Variants in GANAB observed in about 807,000 individuals in gnomAD.
GANAB encodes glucosidase II alpha subunit.
In GANAB, 35 loss-of-function variants were observed where a neutral mutation model predicts 129.9. That is an observed-to-expected ratio of 0.27 (90% CI 0.21 to 0.36). GANAB has a LOEUF of 0.36. Among genes scored for constraint, GANAB ranks in the 10% least tolerant of loss-of-function variants. GANAB has a pLI of 1.00. For missense variants in GANAB, 939 were observed against 1,221.0 expected (o/e 0.77, Z 3.44); for synonymous variants, 482 against 451.8 (o/e 1.07, Z -0.85).
At chr11:62,639,763 A>G in intron 1 of GANAB, 32 bp from the exon 2 acceptor site, 1 of 1,474,626 alleles carries the variant, frequency 6.8e-7, no homozygotes, top group Non-Finnish European at 9.5e-7. Context: ...CAGAGCAATC[A>G]GCATGGAGGT....
intron 9 of GANAB, among the ~76,000 whole-genome samples, chr11:62,632,334 G>A (rs1565098023): frequency 1.3e-5 from 2 of 152,140 alleles, no homozygotes; most frequent in African/African-American, 2.4e-5. Flanking sequence ...TACCTAGCAC[G>A]TAACACACTG....
Position 62,625,928 on chromosome 11 carries a change from G to A in GANAB, c.2726-4C>T, listed in dbSNP as rs1315504732. ...GACAGGCGGCTTTCTGGAGATCCTG[G>A]AGGAGGAATAAAAGAGTGCCATAGT... On this transcript the variant is annotated splice_polypyrimidine_tract_variant and splice_region_variant and intron_variant, in intron 23 of 23. Coordinates refer to ENST00000356638, the MANE Select transcript of GANAB (RefSeq NM_198334.3). 1 of 1,600,774 alleles carries A rather than the reference G, an allele frequency of 6.2e-7. No individual in the cohort carries two copies. Among genetic ancestry groups the A allele is most frequent in the Admixed American group, 1.7e-5 (1 of 60,000 alleles).
At chr11:62,625,977 C>G (rs1943353258) in intron 23 of GANAB, 53 bp from the exon 24 acceptor site, 3 of 1,464,286 alleles carry the variant, frequency 2.0e-6, no homozygotes, top group Non-Finnish European at 2.9e-6. Context: ...TATAGCATAA[C>G]AACAACGTTC....
chr11:62,646,516 G>C (rs1274704803), intron 1 of GANAB, 46 bp downstream of exon 1: 2 of 1,601,674 alleles, frequency 1.2e-6, no homozygotes, highest in South Asian at 1.1e-5. Context: ...GGACTTGGGG[G>C]ATCTGGGGGC....
At chr11:62,641,899 T>TG (rs201536773) in intron 1 of GANAB, among the ~76,000 whole-genome samples, 2 of 143,228 alleles carry the variant, frequency 1.4e-5, no homozygotes, top group Admixed American at 7.0e-5. Context: ...AAAGTTGTGG[T>TG]TTTTGTTTTT....
At position 62,633,175 on chromosome 11, in the gene GANAB, G is replaced by A. The variant is rs763851461; in HGVS notation, c.718+9C>T. 5.0e-6 allele frequency: 8 copies of A among 1,612,078 alleles called. No homozygotes were observed. Among genetic ancestry groups the A allele is most frequent in the Middle Eastern group, 1.6e-4 (1 of 6,080 alleles). ...CTGCACCCCAGCCCAAGGAACCCGA[G>A]CCCCTCACCATACGGCTTGCTGTCA... On this transcript the variant is annotated intron_variant, in intron 7 of 23. Coordinates refer to ENST00000356638, the MANE Select transcript of GANAB (RefSeq NM_198334.3).
chr11:62,634,210 T>A, intron 5 of GANAB: 2 of 777,184 alleles, frequency 2.6e-6, no homozygotes, highest in Non-Finnish European at 4.6e-6. Context: ...GTGGGGTGAG[T>A]GAAAGGCTGG....
At chr11:62,640,808 G>C (rs1944217018) in intron 1 of GANAB, among the ~76,000 whole-genome samples, 1 of 143,276 alleles carries the variant, frequency 7.0e-6, no homozygotes, top group East Asian at 2.0e-4. Context: ...ACTCCAGCCT[G>C]GGCGACAAAG....
chr11:62,633,697 G>T, intron 5 of GANAB, 183 bp from the exon 6 acceptor site: 1 of 610,080 alleles, frequency 1.6e-6, no homozygotes, highest in Non-Finnish European at 2.9e-6. Context: ...AAAGGATGGG[G>T]AGAGAAATGA....
At chr11:62,642,995 C>T (rs1944333121) in intron 1 of GANAB, among the ~76,000 whole-genome samples, 1 of 152,190 alleles carries the variant, frequency 6.6e-6, no homozygotes, top group Non-Finnish European at 1.5e-5. Context: ...ATGCACAATA[C>T]AGCACACTAA....
At chr11:62,634,725 G>C in intron 5 of GANAB, 96 bp downstream of exon 5, 1 of 1,018,160 alleles carries the variant, frequency 9.8e-7, no homozygotes, top group Non-Finnish European at 1.5e-6. Flanking sequence ...GGCCCTACCT[G>C]GCTGTCCCAC....
intron 1 of GANAB, among the ~76,000 whole-genome samples, chr11:62,643,751 G>A (rs979833203): frequency 6.6e-6 from 1 of 152,208 alleles, no homozygotes; most frequent in Non-Finnish European, 1.5e-5. Flanking sequence ...GGGAGTCAGA[G>A]GTTGCAGTGA....
chr11:62,646,333 C>T (rs376088630), intron 1 of GANAB, among the ~76,000 whole-genome samples: 3 of 152,368 alleles, frequency 2.0e-5, no homozygotes, highest in Admixed American at 6.5e-5. Context: ...ACAGCTGTGG[C>T]TTTACTAAAC....
chr11:62,627,262 C>T (rs377045951), intron 18 of GANAB, 27 bp downstream of exon 18: 9 of 1,497,294 alleles, frequency 6.0e-6, no homozygotes, highest in Non-Finnish European at 8.4e-6. Context: ...CAAAGCCAAC[C>T]CACCACCAAC....
At position 62,625,058 on chromosome 11, in the gene GANAB, C is replaced by G. The variant is rs570969276; in HGVS notation, c.*757G>C. ...TGACCATGATTCACTGAAACCACAACTGATTTCTCCATCTTAAGTGCCCCT... is the reference window on the plus strand; with the variant it reads ...TGACCATGATTCACTGAAACCACAAGTGATTTCTCCATCTTAAGTGCCCCT... On this transcript the variant is annotated 3_prime_UTR_variant, in exon 24 of 24. Transcript: ENST00000356638. 424 of 354,610 alleles carry G rather than the reference C, an allele frequency of 1.2e-3. 9 individuals carry two copies. Among genetic ancestry groups the G allele is most frequent in the South Asian group, 8.4e-3 (401 of 47,652 alleles). The allele number at this position is 354,610 out of a possible 1,614,324, so 22.0% of individuals were successfully genotyped here.
At position 62,626,321 on chromosome 11, in the gene GANAB, G is replaced by C. The variant is rs765530886; in HGVS notation, c.2624+14C>G. 9.7e-6 allele frequency: 15 copies of C among 1,546,420 alleles called. No homozygotes were observed. Among genetic ancestry groups the C allele is most frequent in the Non-Finnish European group, 1.3e-5 (15 of 1,118,364 alleles). ...CCAGCAAAGGCAGCCAAGGAAGAGTGGGTGACCCATTACCTGGAGACAAGG... is the reference window on the plus strand; with the variant it reads ...CCAGCAAAGGCAGCCAAGGAAGAGTCGGTGACCCATTACCTGGAGACAAGG... On this transcript the variant is annotated intron_variant, in intron 22 of 23. Coordinates refer to ENST00000356638, the MANE Select transcript of GANAB (RefSeq NM_198334.3).
chr11:62,630,887 C>A, intron 10 of GANAB, 51 bp from the exon 11 acceptor site: 2 of 1,533,240 alleles, frequency 1.3e-6, no homozygotes, highest in South Asian at 2.3e-5. Flanking sequence ...GCCCAACACC[C>A]AGAAACTGAG....
At chr11:62,637,842 GGC>G (rs1944014713) in intron 4 of GANAB, among the ~76,000 whole-genome samples, 1 of 151,510 alleles carries the variant, frequency 6.6e-6, no homozygotes. Context: ...AGACCATCCT[GGC>G]TAACGCAGAT....
rs1264152095 is a variant in GANAB, at chr11:62,626,452, G to C, written c.2512-5C>G. The C allele has an allele frequency of 2.5e-6, 4 of 1,594,362 alleles. No homozygotes were observed. The highest frequency in any genetic ancestry group is 3.4e-6 in the Non-Finnish European group (4 of 1,162,114). ...GAGCTCTCCTTGAGCTGTACCCTGA[G>C]CAAGAAGTGGGATAGGTGAGCGCCT... On this transcript the variant is annotated splice_region_variant and splice_polypyrimidine_tract_variant and intron_variant, in intron 21 of 23. Coordinates refer to ENST00000356638, the MANE Select transcript of GANAB (RefSeq NM_198334.3).
Sources: gnomAD v4.1 joint callset for allele counts (sites outside exome capture counted in the v4.1 genomes callset) on GRCh38, gnomAD v4.1.1 for gene constraint, MANE v1.5 for transcripts, NCBI Gene and HGNC (gene_info 2026-07-23, HGNC 2026-07-21) for gene names.